Variants in RBM44 observed in about 807,000 individuals in gnomAD.
The protein encoded by RBM44 is RNA binding motif protein 44.
A neutral mutation model predicts 105.1 loss-of-function variants in RBM44; 66 were observed. That is an observed-to-expected ratio of 0.63 (90% CI 0.52 to 0.77). RBM44 has a LOEUF of 0.77. Ranked by LOEUF, RBM44 falls within the 30% of genes least tolerant of loss-of-function variation. The pLI is 0.00. For missense variants in RBM44, 1,122 were observed against 1,207.8 expected (o/e 0.93, Z 1.05); for synonymous variants, 365 against 417.6 (o/e 0.87, Z 1.54).
intron 13 of RBM44, among the ~76,000 whole-genome samples, chr2:237,831,341 C>T (rs546031071): frequency 8.6e-5 from 13 of 150,908 alleles, no homozygotes; most frequent in East Asian, 2.0e-4. Flanking sequence ...AGTGCAGTGG[C>T]GCAATCTCAG....
chr2:237,821,090 G>A lies in RBM44; in HGVS notation c.1933G>A (p.Ala645Thr), dbSNP rs934944002. Residue 645 changes from alanine to threonine, a missense_variant, in exon 6 of 16, where the codon GCT (alanine) becomes ACT (threonine). This residue lies in a region of RBM44 where 918 missense variants were observed against 955.3 expected (regional missense o/e 0.96). Transcript: ENST00000316997. ...GLNMNLSSNS[A>T]KKELGSALLS... ...GAACAGGAATTTATCAAGTAATTCT[G>A]CTAAGAAGGAATTGGGATCAGCACT... 3 of 1,585,412 alleles carry A rather than the reference G, an allele frequency of 1.9e-6. No homozygotes were observed. The East Asian group carries it at 6.7e-5, about 36-fold the overall frequency.
At position 237,820,205 on chromosome 2, in the gene RBM44, G is replaced by A; in HGVS notation, c.1767G>A (p.Lys589=). The A allele has an allele frequency of 6.4e-7, 1 of 1,560,018 alleles. No homozygotes were observed. The highest frequency in any genetic ancestry group is 8.7e-7 in the Non-Finnish European group (1 of 1,153,044). ...TTCAACTTTTTAAAGATACAGAGAA[G>A]GATTTGCCATCAATGTGCTGTCAGA... ...REFQLFKDTE[K]DLPSMCCQKI... The change falls in exon 5 of 16, where the codon AAG becomes AAA. Residue 589 remains lysine, a synonymous_variant. Transcript: ENST00000316997.
intron 15 of RBM44, among the ~76,000 whole-genome samples, chr2:237,835,244 C>G (rs1249841556): frequency 2.0e-5 from 3 of 152,206 alleles, no homozygotes; most frequent in Non-Finnish European, 4.4e-5. Flanking sequence ...CTTTCCCTCT[C>G]TTTGGTCTTC....
intron 7 of RBM44, 139 bp from the exon 8 acceptor site, chr2:237,821,604 G>A (rs1163962583): frequency 7.0e-6 from 5 of 709,826 alleles, no homozygotes; most frequent in Non-Finnish European, 9.5e-6. Context: ...ATCACCTTGT[G>A]TATTTGTCAT....
At chr2:237,801,109 G>A (rs2061541624) in intron 1 of RBM44, among the ~76,000 whole-genome samples, 1 of 152,160 alleles carries the variant, frequency 6.6e-6, no homozygotes, top group African/African-American at 2.4e-5. Context: ...GCTGAGGTAG[G>A]TGGATCCCTT....
intron 13 of RBM44, among the ~76,000 whole-genome samples, chr2:237,831,897 T>C (rs1353193544): frequency 1.3e-5 from 2 of 152,156 alleles, no homozygotes; most frequent in Non-Finnish European, 2.9e-5. Context: ...TAAAGTGCAG[T>C]GAAGCTGCGT....
Position 237,832,802 on chromosome 2 carries a change from C to T in RBM44, c.2887-1195C>T, listed in dbSNP as rs778234143. 1.7e-4 allele frequency among the ~76,000 whole-genome samples: 26 copies of T among 152,172 alleles called. 1 individual carries two copies. The highest frequency in any genetic ancestry group is 5.3e-4 in the African/African-American group (22 of 41,444). On this transcript the variant is annotated intron_variant, in intron 13 of 15. Coordinates refer to ENST00000316997, the MANE Select transcript of RBM44 (RefSeq NM_001080504.3). ...ATCGTGGTGATTAATAAAAACTCTT[C>T]GATTCATAACCTGGCTCTGCCACTT...
intron 13 of RBM44, among the ~76,000 whole-genome samples, chr2:237,831,886 A>G (rs1228815304): frequency 1.3e-5 from 2 of 152,158 alleles, no homozygotes; most frequent in Non-Finnish European, 2.9e-5. Flanking sequence ...AAGGAAGGAA[A>G]TAAAGTGCAG....
rs755947239 is a variant in RBM44, at chr2:237,818,484, C to G, written c.1565C>G (p.Thr522Arg). The stretch of plus-strand genomic sequence containing the variant: ...AAACAAAAAAGTGTGGCTTGTAGTA[C>G]AGATTGGTCATACAGTGAAGATTGT... ...NEKQKSVACS[T>R]DWSYSEDCID... The change falls in exon 3 of 16, where the codon ACA (threonine) becomes AGA (arginine). Residue 522 changes from threonine (T) to arginine (R), a missense_variant. Thr to Arg is a moderately conservative substitution (Grantham distance 71). Around this residue, in one of 3 missense-constraint regions of RBM44, gnomAD observed 918 missense variants for 955.3 expected, o/e 0.96. Transcript: ENST00000316997. This position sits in a 1 kb window ranked among gnomAD's most constrained non-coding sequence, Gnocchi z 4.6. 3.7e-6 allele frequency: 6 copies of G among 1,612,238 alleles called. No individual in the cohort carries two copies. Among genetic ancestry groups the G allele is most frequent in the Non-Finnish European group, 5.1e-6 (6 of 1,179,108 alleles).
intron 1 of RBM44, among the ~76,000 whole-genome samples, chr2:237,812,474 A>G (rs2061669442): frequency 6.6e-6 from 1 of 152,224 alleles, no homozygotes. Context: ...ATAGCTTACT[A>G]AGTGGCAAAG....
rs762773091 is a variant in RBM44 at position 237,817,605 on chromosome 2, C to T, written c.686C>T (p.Ala229Val). ...LGNSGYEVKC[A>V]SNVEDNRVNS... ...AATTCGGGTTATGAAGTTAAATGTG[C>T]TAGCAATGTAGAAGATAATCGTGTT... Residue 229 changes from alanine (A) to valine (V), a missense_variant, in exon 3 of 16, where the codon GCT becomes GTT. Coordinates refer to ENST00000316997, the MANE Select transcript of RBM44 (RefSeq NM_001080504.3). 1 of 1,612,756 alleles carries T rather than the reference C, an allele frequency of 6.2e-7. No homozygotes were observed. Among genetic ancestry groups the T allele is most frequent in the Non-Finnish European group, 8.5e-7 (1 of 1,179,414 alleles).
intron 9 of RBM44, 57 bp downstream of exon 9, chr2:237,823,611 A>G: frequency 1.3e-6 from 1 of 740,856 alleles, no homozygotes; most frequent in Non-Finnish European, 2.3e-6. Flanking sequence ...TAAGGTTTAA[A>G]GTATTGGTAG....
At chr2:237,805,704 C>T (rs551912507) in intron 1 of RBM44, among the ~76,000 whole-genome samples, 1 of 152,302 alleles carries the variant, frequency 6.6e-6, no homozygotes, top group Admixed American at 6.5e-5. Context: ...GTGGCTCAGG[C>T]CTGTAACCCT....
chr2:237,832,643 T>C (rs2061915153), intron 13 of RBM44, among the ~76,000 whole-genome samples: 1 of 152,216 alleles, frequency 6.6e-6, no homozygotes, highest in African/African-American at 2.4e-5. Flanking sequence ...CCTGTAACCA[T>C]CTTTGTTAAA....
chr2:237,840,559 A>G (rs1361696760), intron 15 of RBM44, among the ~76,000 whole-genome samples: 1 of 152,168 alleles, frequency 6.6e-6, no homozygotes, highest in Non-Finnish European at 1.5e-5. Context: ...CAATTACAAC[A>G]AAAAAATTGA....
chr2:237,820,326 A>G lies in RBM44; in HGVS notation c.1888A>G (p.Met630Val), dbSNP rs747483536. ...TTGTTGTGATATTTACAAACTTGTC[A>G]TGGAAAATAGGGAAGGATTAAATAT... ...RHCCDIYKLV[M>V]ENREGLNMNL... The change falls in exon 5 of 16, where the codon ATG (methionine) becomes GTG (valine). Residue 630 changes from methionine to valine, a missense_variant. Physicochemically the swap from Met to Val is conservative, Grantham distance 21. This residue lies in a region of RBM44 where 918 missense variants were observed against 955.3 expected (regional missense o/e 0.96). Coordinates refer to ENST00000316997, the MANE Select transcript of RBM44 (RefSeq NM_001080504.3). 8.8e-6 allele frequency: 14 copies of G among 1,594,052 alleles called. No individual in the cohort carries two copies. The highest frequency in any genetic ancestry group is 1.4e-5 in the African/African-American group (1 of 73,944).
chr2:237,831,254 GGGT>G (rs1310233982), intron 13 of RBM44, among the ~76,000 whole-genome samples: 4 of 131,184 alleles, frequency 3.0e-5, no homozygotes, highest in East Asian at 2.5e-4. Context: ...GGGGGGGGGG[GGGT>G]TTGTCTTTGT....
At chr2:237,820,121 T>TAGA (rs2061767811) in intron 4 of RBM44, 54 bp from the exon 5 acceptor site, 23 of 1,004,986 alleles carry the variant, frequency 2.3e-5, no homozygotes, top group Non-Finnish European at 3.2e-5. Flanking sequence ...AGGCATGTTA[T>TAGA]TACTATAGAA....
intron 15 of RBM44, among the ~76,000 whole-genome samples, chr2:237,835,922 A>C (rs903673764): frequency 6.6e-6 from 1 of 152,204 alleles, no homozygotes; most frequent in Non-Finnish European, 1.5e-5. Flanking sequence ...TCGTCTTTCT[A>C]ACAAAAGTGC....
Sources: allele counts gnomAD v4.1 joint callset (sites outside exome capture counted in the v4.1 genomes callset), GRCh38; gene constraint gnomAD v4.1.1; regional missense constraint gnomAD v4.1.1; non-coding constraint Gnocchi (gnomAD v3.1); transcripts MANE v1.5; gene names NCBI Gene and HGNC (gene_info 2026-07-23, HGNC 2026-07-21).